The following MGLL variants were observed in gnomAD, a reference collection of about 807,000 sequenced individuals.
MGLL encodes the protein monoglyceride lipase.
MGLL carries 7 observed loss-of-function variants against 29.1 expected under a neutral mutation model. That is an observed-to-expected ratio of 0.24 (90% confidence interval 0.14 to 0.45). The LOEUF is 0.45. MGLL is among the 20% of genes least tolerant of loss of function. MGLL has a pLI of 0.99. For missense variants in MGLL, 356 were observed against 413.6 expected (o/e 0.86, Z 1.21); for synonymous variants, 148 against 168.3 (o/e 0.88, Z 0.93).
At chr3:127,710,821 C>A in intron 5 of MGLL, 156 bp from the exon 6 acceptor site, 1 of 700,300 alleles carries the variant, frequency 1.4e-6, no homozygotes. Flanking sequence ...CCTGCATGCC[C>A]AAGGACTCTC....
intron 6 of MGLL, among the ~76,000 whole-genome samples, chr3:127,697,665 G>A (rs549061133): frequency 1.3e-5 from 2 of 152,342 alleles, no homozygotes; most frequent in East Asian, 3.9e-4. Context: ...CAGGGGCTGT[G>A]TGCACATTCT....
intron 2 of MGLL, among the ~76,000 whole-genome samples, chr3:127,785,986 C>T (rs766168658): frequency 1.2e-4 from 18 of 152,338 alleles, no homozygotes; most frequent in African/African-American, 4.1e-4. Flanking sequence ...TGTCCTGGTG[C>T]AGGAGTCCTG....
At chr3:127,804,898 G>T (rs2077539276) in intron 2 of MGLL, among the ~76,000 whole-genome samples, 1 of 152,202 alleles carries the variant, frequency 6.6e-6, no homozygotes, top group Non-Finnish European at 1.5e-5. Flanking sequence ...ACCAGCACAG[G>T]CTCTGCTGGG....
At chr3:127,794,712 A>G in intron 2 of MGLL, among the ~76,000 whole-genome samples, 1 of 152,108 alleles carries the variant, frequency 6.6e-6, no homozygotes, top group Admixed American at 6.6e-5. Context: ...ATGTAAGACT[A>G]TCTTCTATGA....
At chr3:127,766,596 C>CA (rs2076860242) in intron 3 of MGLL, among the ~76,000 whole-genome samples, 1 of 152,060 alleles carries the variant, frequency 6.6e-6, no homozygotes, top group Admixed American at 6.6e-5. Flanking sequence ...GGTGCTGTGT[C>CA]CTCAAAAACA....
chr3:127,805,666 C>T (rs1459063312), intron 2 of MGLL, among the ~76,000 whole-genome samples: 1 of 152,222 alleles, frequency 6.6e-6, no homozygotes, highest in Non-Finnish European at 1.5e-5. Context: ...CGAGGCATAG[C>T]TAGGTGCTGG....
chr3:127,750,670 AAATGGGTACTGTTTTTCTCTG>A (rs2076541810), intron 3 of MGLL, among the ~76,000 whole-genome samples: 1 of 152,124 alleles, frequency 6.6e-6, no homozygotes, highest in South Asian at 2.1e-4. Context: ...ATATGCCACA[AAATGGGTACTGTTTTTCTCTG>A]AGTAATTGAG....
chr3:127,703,483 T>A lies in MGLL; in HGVS notation c.600+7093A>T, dbSNP rs558037159. On this transcript the variant is annotated intron_variant, in intron 6 of 7. Transcript: ENST00000265052. ...CTGTTACTTTTCCTAAATGTGATAA[T>A]GGCATGGGGTCCTGTGTGAAAGCCT... Among the ~76,000 whole-genome samples the A allele has an allele frequency of 2.0e-5, 3 of 152,316 alleles. No individual in the cohort carries two copies. In the South Asian group the frequency reaches 6.2e-4, roughly 32 times the overall value.
rs190110550 is a variant in MGLL at position 127,716,251 on chromosome 3, C to A, written c.510+4802G>T. On this transcript the variant is annotated intron_variant, in intron 5 of 7. Coordinates refer to ENST00000265052, the MANE Select transcript of MGLL (RefSeq NM_007283.7). ...TGGATTTGAACTTTGATTCTGAATCCTCGAGAAAGTCTATGATCTCAGTTT... is the reference window on the plus strand; with the variant it reads ...TGGATTTGAACTTTGATTCTGAATCATCGAGAAAGTCTATGATCTCAGTTT... 3.1e-4 allele frequency among the ~76,000 whole-genome samples: 47 copies of A among 152,354 alleles called. 1 individual carries two copies. Among genetic ancestry groups the A allele is most frequent in the Admixed American group, 3.0e-3 (46 of 15,308 alleles).
At chr3:127,702,927 T>C (rs1311728471) in intron 6 of MGLL, among the ~76,000 whole-genome samples, 1 of 152,144 alleles carries the variant, frequency 6.6e-6, no homozygotes, top group Non-Finnish European at 1.5e-5. Context: ...ACTCCTGACC[T>C]CAGGTGATCT....
At chr3:127,744,639 A>G (rs974042316) in intron 3 of MGLL, among the ~76,000 whole-genome samples, 12 of 152,222 alleles carry the variant, frequency 7.9e-5, no homozygotes, top group African/African-American at 2.9e-4. Flanking sequence ...TCCAGGATGC[A>G]TGAGATCAAG....
chr3:127,769,009 C>T (rs2076904848), intron 3 of MGLL, among the ~76,000 whole-genome samples: 1 of 152,184 alleles, frequency 6.6e-6, no homozygotes, highest in Non-Finnish European at 1.5e-5. Flanking sequence ...AGAGATGGTT[C>T]CTTTCAGTTC....
rs925366852 is a variant in MGLL at position 127,692,238 on chromosome 3, G to C, written c.902C>G (p.Ser301Cys). 26 of 1,613,862 alleles carry C rather than the reference G, an allele frequency of 1.6e-5. No individual in the cohort carries two copies. In the Admixed American group the frequency reaches 3.2e-4, roughly 20 times the overall value. Residue 301 changes from serine (S) to cysteine (C), a missense_variant, in exon 8 of 8, where the codon TCT becomes TGT. Physicochemically the swap from Ser to Cys is moderately radical, Grantham distance 112. Transcript: ENST00000265052. ...AGTTCCTGCCGTGGCTGTCCTTTGA[G>C]AGACCCACATGTTTATTTCATGGAA... ...SVFHEINMWV[S>C]QRTATAGTAS...
chr3:127,692,094 ATTTTTTT>A lies in MGLL; in HGVS notation c.*97_*103del, dbSNP rs11433015. 32 of 709,098 alleles carry A rather than the reference ATTTTTTT, an allele frequency of 4.5e-5. No individual in the cohort carries two copies. The highest frequency in any genetic ancestry group is 3.6e-4 in the East Asian group (9 of 24,918). The allele number at this position is 709,098 out of a possible 1,614,324, so 43.9% of individuals were successfully genotyped here. A position where few individuals can be genotyped will look rare whatever the true frequency, so the allele number is the denominator to read the frequency against. On this transcript the variant is annotated 3_prime_UTR_variant, in exon 8 of 8. Coordinates refer to ENST00000265052, the MANE Select transcript of MGLL (RefSeq NM_007283.7). The stretch of plus-strand genomic sequence containing the variant: ...GTGCTAAGGATTTCTCCAATTTCTG[ATTTTTTT>A]TTTTTTTTTTTTTTGGCAAGCCATA...
chr3:127,692,170 A>C lies in MGLL; in HGVS notation c.*28T>G, dbSNP rs955947796. 6.3e-7 allele frequency: 1 copy of C among 1,597,192 alleles called. No individual in the cohort carries two copies. The highest frequency in any genetic ancestry group is 1.4e-5 in the African/African-American group (1 of 70,886). ...CCCTTCCCCTGCCTGCATCCCCCAG[A>C]CCATGAGCCGGGCACCGGCCAATGC... On this transcript the variant is annotated 3_prime_UTR_variant, in exon 8 of 8. Coordinates refer to ENST00000265052, the MANE Select transcript of MGLL (RefSeq NM_007283.7).
chr3:127,767,362 G>T (rs532460902), intron 3 of MGLL, among the ~76,000 whole-genome samples: 18 of 152,304 alleles, frequency 1.2e-4, no homozygotes, highest in Middle Eastern at 6.8e-3. Flanking sequence ...TGCCTGCCTG[G>T]TTCCAAAGAT....
At chr3:127,768,883 C>G (rs373623721) in intron 3 of MGLL, among the ~76,000 whole-genome samples, 3 of 152,230 alleles carry the variant, frequency 2.0e-5, no homozygotes, top group Non-Finnish European at 4.4e-5. Context: ...ACCCTGGAGC[C>G]GGAGAGTGTG....
intron 5 of MGLL, among the ~76,000 whole-genome samples, chr3:127,718,160 GT>G (rs766296632): frequency 9.9e-5 from 15 of 151,884 alleles, no homozygotes; most frequent in South Asian, 6.3e-4. Context: ...ATTGCAGGGG[GT>G]GGGGGCTGGC....
intron 2 of MGLL, among the ~76,000 whole-genome samples, chr3:127,805,107 T>A (rs760525523): frequency 3.9e-5 from 6 of 152,212 alleles, no homozygotes; most frequent in Non-Finnish European, 5.9e-5. Context: ...GGGAGCTGTT[T>A]TAGTCAGAGA....
Sources: allele counts gnomAD v4.1 joint callset (sites outside exome capture counted in the v4.1 genomes callset), GRCh38; gene constraint gnomAD v4.1.1; transcripts MANE v1.5; gene names NCBI Gene and HGNC (gene_info 2026-07-23, HGNC 2026-07-21).